TGFB2: variants seen among roughly 807,000 people sequenced by gnomAD.
TGFB2 encodes transforming growth factor beta 2, also known as transforming growth factor beta-2 proprotein.
In TGFB2, 13 loss-of-function variants were observed where a neutral mutation model predicts 42.7. That is an observed-to-expected ratio of 0.30 (90% CI 0.20 to 0.48). The LOEUF is 0.48. Among genes scored for constraint, TGFB2 ranks in the 20% least tolerant of loss-of-function variants. The pLI, the probability that TGFB2 is intolerant of heterozygous loss-of-function variation, is 0.99. For missense variants in TGFB2, 390 were observed against 517.5 expected (o/e 0.75, Z 2.39); for synonymous variants, 193 against 193.6 (o/e 1.00, Z 0.03).
intron 1 of TGFB2, among the ~76,000 whole-genome samples, chr1:218,352,749 C>G (rs913279190): frequency 6.6e-6 from 1 of 152,214 alleles, no homozygotes; most frequent in Non-Finnish European, 1.5e-5. Context: ...GGCCTCTTCC[C>G]TACCATCTCT....
intron 1 of TGFB2, among the ~76,000 whole-genome samples, chr1:218,392,884 T>C (rs1658364089): frequency 6.6e-6 from 1 of 152,224 alleles, no homozygotes; most frequent in Admixed American, 6.5e-5. Context: ...CTTGCAATCC[T>C]AGCAGGGTGT....
At position 218,443,167 on chromosome 1, in the gene TGFB2, G is replaced by A. The variant is rs542639949; in HGVS notation, c.*1805G>A. 155 of 152,320 alleles carry A rather than the reference G, an allele frequency of 1.0e-3. No individual in the cohort carries two copies. Among genetic ancestry groups the A allele is most frequent in the African/African-American group, 3.6e-3 (150 of 41,576 alleles). The allele number at this position is 152,320 out of a possible 1,614,324, so 9.4% of individuals were successfully genotyped here. On this transcript the variant is annotated 3_prime_UTR_variant, in exon 7 of 7. Transcript: ENST00000366930. The stretch of plus-strand genomic sequence containing the variant: ...TCAAAAAATTCTTTCTTTCCTCTGA[G>A]TGAGAGTTATCTATATCTGAGGCTA...
chr1:218,416,189 G>T (rs1486167729), intron 2 of TGFB2, among the ~76,000 whole-genome samples: 4 of 152,062 alleles, frequency 2.6e-5, no homozygotes, highest in Admixed American at 6.6e-5. Context: ...TCCAATAGGG[G>T]TGTCTTTTTA....
Position 218,366,484 on chromosome 1 carries a change from AT to A in TGFB2, c.346+19446del, listed in dbSNP as rs1163953462. Among the ~76,000 whole-genome samples the A allele has an allele frequency of 4.6e-5, 7 of 151,442 alleles. No individual in the cohort carries two copies. The East Asian group carries it at 5.8e-4, about 13-fold the overall frequency. ...ACCACACTGGCTAATTAAAAAAAAA[AT>A]TTTTTTTTAGAGATGGGGTCTTGCT... On this transcript the variant is annotated intron_variant, in intron 1 of 6. Transcript: ENST00000366930.
At position 218,405,197 on chromosome 1, in the gene TGFB2, C is replaced by T; in HGVS notation, c.375C>T (p.Pro125=). 1 of 1,606,934 alleles carries T rather than the reference C, an allele frequency of 6.2e-7. No individual in the cohort carries two copies. ...CCATCCCGCCCACTTTCTACAGACC[C>T]TACTTCAGAATTGTTCGATTTGACG... The part of the protein sequence containing the change: ...ENAIPPTFYR[P]YFRIVRFDVS... The change falls in exon 2 of 7, where the codon CCC becomes CCT. Residue 125 remains proline, a synonymous_variant. Coordinates refer to ENST00000366930, the MANE Select transcript of TGFB2 (RefSeq NM_003238.6).
intron 1 of TGFB2, among the ~76,000 whole-genome samples, chr1:218,365,829 G>A (rs969281361): frequency 1.3e-5 from 2 of 152,186 alleles, no homozygotes; most frequent in African/African-American, 2.4e-5. Context: ...CAGCTCCAGG[G>A]CCATCCCTGT....
At chr1:218,397,463 C>T (rs1400627171) in intron 1 of TGFB2, among the ~76,000 whole-genome samples, 1 of 150,728 alleles carries the variant, frequency 6.6e-6, no homozygotes, top group Non-Finnish European at 1.5e-5. Flanking sequence ...ACTCGGGAGG[C>T]TGAGGCAGGA....
intron 1 of TGFB2, among the ~76,000 whole-genome samples, chr1:218,374,751 A>C (rs982536457): frequency 3.3e-5 from 5 of 152,206 alleles, no homozygotes; most frequent in Non-Finnish European, 5.9e-5. Context: ...TGAGAAGCCC[A>C]ACTTGGATTC....
chr1:218,428,531 T>G (rs1659699531), intron 2 of TGFB2, among the ~76,000 whole-genome samples: 1 of 151,910 alleles, frequency 6.6e-6, no homozygotes, highest in South Asian at 2.1e-4. Context: ...AAGGAAGGGA[T>G]CCAATTTCAG....
At chr1:218,396,976 T>C (rs991537793) in intron 1 of TGFB2, among the ~76,000 whole-genome samples, 38 of 152,194 alleles carry the variant, frequency 2.5e-4, no homozygotes, top group African/African-American at 8.2e-4. Context: ...ATCCAAAGTT[T>C]AGGTGCTTGA....
At chr1:218,409,022 G>A (rs558446240) in intron 2 of TGFB2, among the ~76,000 whole-genome samples, 3 of 152,158 alleles carry the variant, frequency 2.0e-5, no homozygotes, top group Non-Finnish European at 2.9e-5. Flanking sequence ...CATAAGGAGC[G>A]TGCAACCTAG....
intron 1 of TGFB2, among the ~76,000 whole-genome samples, chr1:218,361,144 C>T (rs556306884): frequency 5.9e-5 from 9 of 152,310 alleles, no homozygotes; most frequent in East Asian, 3.9e-4. Context: ...TGAGCCACCG[C>T]GCCCGGCCTG....
intron 2 of TGFB2, among the ~76,000 whole-genome samples, chr1:218,416,922 T>A (rs1168434361): frequency 1.3e-5 from 2 of 152,242 alleles, no homozygotes; most frequent in African/African-American, 4.8e-5. Flanking sequence ...CCATGTGAGA[T>A]GTGCCTTTCA....
chr1:218,422,266 G>A (rs1659480419), intron 2 of TGFB2, among the ~76,000 whole-genome samples: 1 of 151,204 alleles, frequency 6.6e-6, no homozygotes, highest in Non-Finnish European at 1.5e-5. Flanking sequence ...CACCCAGGCT[G>A]GAATGCAGTG....
At chr1:218,388,246 T>C (rs1214410252) in intron 1 of TGFB2, among the ~76,000 whole-genome samples, 1 of 152,230 alleles carries the variant, frequency 6.6e-6, no homozygotes, top group Non-Finnish European at 1.5e-5. Flanking sequence ...AAACTCTGTC[T>C]GTGTTTAGGC....
At position 218,346,721 on chromosome 1, in the gene TGFB2, G is replaced by A. The variant is rs765477784; in HGVS notation, c.20G>A (p.Ser7Asn). The change falls in exon 1 of 7, where the codon AGC (serine) becomes AAC (asparagine). Residue 7 changes from serine (S) to asparagine (N), a missense_variant. Ser to Asn is a conservative substitution (Grantham distance 46). Coordinates refer to ENST00000366930, the MANE Select transcript of TGFB2 (RefSeq NM_003238.6). This position sits in a 1 kb window ranked among gnomAD's most constrained non-coding sequence, Gnocchi z 4.9. Reference protein sequence around the residue: MHYCVLSAFLILHLVTV... With the variant: MHYCVLNAFLILHLVTV... ...TAAAAAATGCACTACTGTGTGCTGA[G>A]CGCTTTTCTGATCCTGCATCTGGTC... 6.2e-7 allele frequency: 1 copy of A among 1,613,086 alleles called. No individual in the cohort carries two copies. The highest frequency in any genetic ancestry group is 8.5e-7 in the Non-Finnish European group (1 of 1,179,816).
At chr1:218,425,620 A>G (rs1659597502) in intron 2 of TGFB2, among the ~76,000 whole-genome samples, 1 of 152,198 alleles carries the variant, frequency 6.6e-6, no homozygotes, top group South Asian at 2.1e-4. Flanking sequence ...AAAAACTACA[A>G]TGGTTGTACA....
intron 1 of TGFB2, among the ~76,000 whole-genome samples, chr1:218,377,955 AGTGTGTTT>A (rs1375366065): frequency 8.1e-5 from 12 of 148,504 alleles, no homozygotes; most frequent in African/African-American, 2.6e-4. Flanking sequence ...CATATATTAT[AGTGTGTTT>A]GTTTGTTTGT....
intron 1 of TGFB2, among the ~76,000 whole-genome samples, chr1:218,365,940 G>T (rs1272797178): frequency 6.6e-6 from 1 of 152,176 alleles, no homozygotes; most frequent in Admixed American, 6.5e-5. Context: ...TCTAACCTGG[G>T]TGTTGTTGAT....
Sources: gnomAD v4.1 joint callset for allele counts (sites outside exome capture counted in the v4.1 genomes callset) on GRCh38, gnomAD v4.1.1 for gene constraint, Gnocchi (gnomAD v3.1) non-coding constraint, MANE v1.5 for transcripts, NCBI Gene and HGNC (gene_info 2026-07-23, HGNC 2026-07-21) for gene names.